Variants in SORCS3 observed in about 807,000 individuals in gnomAD.
SORCS3 encodes the protein sortilin related VPS10 domain containing receptor 3.
A neutral mutation model predicts 146.3 loss-of-function variants in SORCS3; 57 were observed. The observed-to-expected ratio is 0.39, with a 90% CI of 0.31 to 0.49. The LOEUF is 0.49. Among genes scored for constraint, SORCS3 ranks in the 20% least tolerant of loss-of-function variants. The pLI, the probability that SORCS3 is intolerant of heterozygous loss-of-function variation, is 0.92. For missense variants in SORCS3, 1,341 were observed against 1,575.5 expected, an observed-to-expected ratio of 0.85 and a Z score of 2.52; for synonymous variants, 653 against 618.5, an observed-to-expected ratio of 1.06 and a Z score of -0.83.
chr10:104,960,235 A>G (rs2054786025), intron 3 of SORCS3, among the ~76,000 whole-genome samples: 1 of 151,908 alleles, frequency 6.6e-6, no homozygotes, highest in Non-Finnish European at 1.5e-5. Flanking sequence ...AAGTATATTT[A>G]CTCCCAAGAT....
intron 1 of SORCS3, among the ~76,000 whole-genome samples, chr10:104,689,286 C>T (rs991523493): frequency 7.2e-5 from 11 of 152,200 alleles, no homozygotes; most frequent in Admixed American, 3.3e-4. Flanking sequence ...GCTCAGATAC[C>T]TCTTCCTCCA....
At chr10:105,214,943 C>T (rs188248634) in intron 18 of SORCS3, among the ~76,000 whole-genome samples, 16 of 152,246 alleles carry the variant, frequency 1.1e-4, no homozygotes, top group Non-Finnish European at 2.9e-5. Context: ...TAAACTTGGC[C>T]AGAGGAAGGA....
Position 105,119,368 on chromosome 10 carries a change from T to A in SORCS3, c.1212+13853T>A, listed in dbSNP as rs576360447. On this transcript the variant is annotated intron_variant, in intron 7 of 26. Transcript: ENST00000369701. The stretch of plus-strand genomic sequence containing the variant: ...AGGAGTGAAGCCCTCATAGAGAACC[T>A]CTGCTAGGATAGTGAGGAAGGGAAA... Among the ~76,000 whole-genome samples, 5 of 152,254 alleles carry A rather than the reference T, an allele frequency of 3.3e-5. No homozygotes were observed. In the East Asian group the frequency reaches 9.7e-4, roughly 29 times the overall value.
intron 2 of SORCS3, among the ~76,000 whole-genome samples, chr10:104,878,755 T>C (rs2018601392): frequency 6.6e-6 from 1 of 152,224 alleles, no homozygotes; most frequent in Non-Finnish European, 1.5e-5. Context: ...TTATCAGTCA[T>C]GTTTCAGTCT....
chr10:104,961,942 C>T (rs1589567929), intron 3 of SORCS3, among the ~76,000 whole-genome samples: 1 of 151,884 alleles, frequency 6.6e-6, no homozygotes, highest in African/African-American at 2.4e-5. Flanking sequence ...ACCAAAGCTC[C>T]CTGCCTTTAA....
chr10:104,861,269 C>A (rs1278898464), intron 2 of SORCS3, among the ~76,000 whole-genome samples: 1 of 152,154 alleles, frequency 6.6e-6, no homozygotes, highest in Non-Finnish European at 1.5e-5. Flanking sequence ...GAAAAGCATG[C>A]TCTCTGGCCC....
chr10:105,135,749 G>A (rs565260603), intron 7 of SORCS3, among the ~76,000 whole-genome samples: 17 of 152,266 alleles, frequency 1.1e-4, no homozygotes, highest in East Asian at 3.9e-4. Flanking sequence ...ACACAGGCAC[G>A]ATTAAGCCAA....
intron 4 of SORCS3, among the ~76,000 whole-genome samples, chr10:104,977,979 C>G (rs1386940312): frequency 1.3e-5 from 2 of 152,194 alleles, no homozygotes; most frequent in East Asian, 1.9e-4. Flanking sequence ...ATCCGCCCGC[C>G]TCGGCCTCCC....
chr10:104,851,495 C>T (rs910478829), intron 2 of SORCS3, among the ~76,000 whole-genome samples: 1 of 152,196 alleles, frequency 6.6e-6, no homozygotes, highest in Non-Finnish European at 1.5e-5. Flanking sequence ...AATTCATTAG[C>T]CTTCTAATGC....
chr10:105,083,782 C>G (rs1336389627), intron 5 of SORCS3, among the ~76,000 whole-genome samples: 1 of 152,174 alleles, frequency 6.6e-6, no homozygotes, highest in Admixed American at 6.5e-5. Context: ...CCAAAATTTT[C>G]TGCAATATTG....
At chr10:104,685,814 A>G (rs1489061287) in intron 1 of SORCS3, among the ~76,000 whole-genome samples, 2 of 152,202 alleles carry the variant, frequency 1.3e-5, no homozygotes, top group South Asian at 2.1e-4. Flanking sequence ...TTTAAATGTC[A>G]TTGGTTCCCT....
chr10:105,076,530 A>G (rs2055590454), intron 5 of SORCS3, among the ~76,000 whole-genome samples: 1 of 152,088 alleles, frequency 6.6e-6, no homozygotes, highest in Admixed American at 6.6e-5. Context: ...CCTTCACATC[A>G]TCACTGGACT....
At chr10:104,941,570 G>T (rs1239524477) in intron 3 of SORCS3, among the ~76,000 whole-genome samples, 1 of 152,040 alleles carries the variant, frequency 6.6e-6, no homozygotes, top group Non-Finnish European at 1.5e-5. Flanking sequence ...GTTTATACAG[G>T]CACTCCCATT....
intron 1 of SORCS3, among the ~76,000 whole-genome samples, chr10:104,768,617 C>G (rs2017209962): frequency 6.6e-6 from 1 of 152,140 alleles, no homozygotes; most frequent in Admixed American, 6.6e-5. Context: ...CACCAGGGCT[C>G]TTGAAGAAAT....
chr10:104,848,261 G>A (rs1261568790), intron 2 of SORCS3, among the ~76,000 whole-genome samples: 1 of 152,022 alleles, frequency 6.6e-6, no homozygotes, highest in Non-Finnish European at 1.5e-5. Flanking sequence ...TGGTTCACAA[G>A]CTGTTGTCTG....
chr10:105,058,378 T>A (rs2055460220), intron 5 of SORCS3, among the ~76,000 whole-genome samples: 1 of 152,192 alleles, frequency 6.6e-6, no homozygotes, highest in South Asian at 2.1e-4. Context: ...TTTCTTAACA[T>A]TGCTATCTTC....
In SORCS3 at chr10:104,921,485, G is replaced by GTCTC. The variant is rs374928379; in HGVS notation, c.795+5569_795+5572dup. On this transcript the variant is annotated intron_variant, in intron 3 of 26. Coordinates refer to ENST00000369701, the MANE Select transcript of SORCS3 (RefSeq NM_014978.3). ...CAAATTACTATAGTTAGAGGTACATGTCTCTCTCTCTCTCTCTCTGTGTGT... is the reference window on the plus strand; with the variant it reads ...CAAATTACTATAGTTAGAGGTACATGTCTCTCTCTCTCTCTCTCTCTCTGTGTGT... Among the ~76,000 whole-genome samples the GTCTC allele has an allele frequency of 5.9e-3, 865 of 146,368 alleles. 7 individuals carry two copies. Among genetic ancestry groups the GTCTC allele is most frequent in the African/African-American group, 0.02 (770 of 38,314 alleles).
chr10:105,022,471 G>A lies in SORCS3; in HGVS notation c.955-20584G>A, dbSNP rs575795715. Among the ~76,000 whole-genome samples, 17 of 111,554 alleles carry A rather than the reference G, an allele frequency of 1.5e-4. No individual in the cohort carries two copies. The South Asian group carries it at 4.1e-3, about 27-fold the overall frequency. 73.2% of individuals were successfully genotyped at this position (111,554 alleles called of 152,430 possible). ...CACCACCACGCCCAGCTAATTTTTT[G>A]TATTTTTTTTTGGTAGAGACAGGTT... On this transcript the variant is annotated intron_variant, in intron 4 of 26. Transcript: ENST00000369701.
chr10:104,786,045 G>C (rs980498698), intron 1 of SORCS3, among the ~76,000 whole-genome samples: 1 of 152,128 alleles, frequency 6.6e-6, no homozygotes, highest in Non-Finnish European at 1.5e-5. Flanking sequence ...TGCATGAGGG[G>C]AGGATCCTCT....
Sources: gnomAD v4.1 joint callset for allele counts (sites outside exome capture counted in the v4.1 genomes callset) on GRCh38, gnomAD v4.1.1 for gene constraint, MANE v1.5 for transcripts, NCBI Gene and HGNC (gene_info 2026-07-23, HGNC 2026-07-21) for gene names.